The following RANBP2 variants were observed in gnomAD, a reference collection of about 807,000 sequenced individuals.
The protein encoded by RANBP2 is E3 SUMO-protein ligase RanBP2.
A neutral mutation model predicts 303.6 loss-of-function variants in RANBP2; 57 were observed. That is an observed-to-expected ratio of 0.19 (90% CI 0.15 to 0.23). The LOEUF is 0.23. Among genes scored for constraint, RANBP2 ranks in the 10% least tolerant of loss-of-function variants. The pLI is 1.00. For missense variants in RANBP2, 3,138 were observed against 3,780.8 expected (o/e 0.83, Z 4.46); for synonymous variants, 1,167 against 1,301.5 (o/e 0.90, Z 2.23).
chr2:109,105,235 G>A, the RANBP2 span, among the ~76,000 whole-genome samples: 7 of 152,322 alleles, frequency 4.6e-5, no homozygotes, highest in East Asian at 9.6e-4. Flanking sequence ...GAGGCAAAAC[G>A]GTGGAATTTA....
the RANBP2 span, chr2:109,733,066 T>A: frequency 1.8e-6 from 1 of 556,386 alleles, no homozygotes; most frequent in East Asian, 4.8e-5. Context: ...ACTTGTCTTG[T>A]AGCCGGAGCA....
chr2:108,781,449 C>A lies in RANBP2; in HGVS notation c.8760+20C>A. On this transcript the variant is annotated intron_variant, in intron 26 of 28. Coordinates refer to ENST00000283195, the MANE Select transcript of RANBP2 (RefSeq NM_006267.5). ...CCAGAGGTAAATGTTAAGGAATTAA[C>A]CTTTTACTAATAACTTATTTTTCAT... is the stretch of plus-strand genomic sequence containing the variant. 6.2e-7 allele frequency: 1 copy of A among 1,611,128 alleles called. No homozygotes were observed. Among genetic ancestry groups the A allele is most frequent in the Non-Finnish European group, 8.5e-7 (1 of 1,177,488 alleles).
chr2:109,587,533 C>T, the RANBP2 span, among the ~76,000 whole-genome samples: 1 of 152,124 alleles, frequency 6.6e-6, no homozygotes, highest in Non-Finnish European at 1.5e-5. Context: ...CTCAGAGATA[C>T]AAGAATTTCA....
chr2:109,434,150 C>A, the RANBP2 span, among the ~76,000 whole-genome samples: 2 of 152,216 alleles, frequency 1.3e-5, no homozygotes, highest in African/African-American at 4.8e-5. Flanking sequence ...CAGGTCACCC[C>A]TCTAGGTTAG....
chr2:109,292,065 G>C, the RANBP2 span, among the ~76,000 whole-genome samples: 1 of 152,070 alleles, frequency 6.6e-6, no homozygotes, highest in Non-Finnish European at 1.5e-5. Flanking sequence ...AGGTTTCACC[G>C]TGTTAGCCAG....
At chr2:109,359,842 C>A in the RANBP2 span, among the ~76,000 whole-genome samples, 2 of 152,172 alleles carry the variant, frequency 1.3e-5, no homozygotes, top group Non-Finnish European at 2.9e-5. Context: ...GCCCAGATTC[C>A]CCCATGCAAG....
the RANBP2 span, chr2:109,613,027 T>C: frequency 3.8e-6 from 2 of 522,592 alleles, no homozygotes; most frequent in Non-Finnish European, 3.5e-6. Context: ...CCACCAATGT[T>C]TACTATCAAA....
the RANBP2 span, among the ~76,000 whole-genome samples, chr2:109,274,986 A>G: frequency 2.0e-5 from 3 of 152,202 alleles, no homozygotes; most frequent in Non-Finnish European, 4.4e-5. Flanking sequence ...ATTTTGCATC[A>G]ATAAAAGAGC....
At position 108,782,379 on chromosome 2, in the gene RANBP2, T is replaced by G. The variant is rs1678314699; in HGVS notation, c.9012T>G (p.Val3004=). The G allele has an allele frequency of 6.2e-7, 1 of 1,613,950 alleles. No individual in the cohort carries two copies. The highest frequency in any genetic ancestry group is 1.3e-5 in the African/African-American group (1 of 74,952). ...KPLNVSNNAL[V]WTASDYADGE... The stretch of plus-strand genomic sequence containing the variant: ...TAAATGTTTCAAATAATGCTTTAGT[T>G]TGGACTGCCTCAGATTATGCTGGTG... The change falls in exon 27 of 29, where the codon GTT becomes GTG. Residue 3004 remains valine (V), a synonymous_variant. Transcript: ENST00000283195.
At chr2:109,655,984 A>G in the RANBP2 span, among the ~76,000 whole-genome samples, 4 of 152,130 alleles carry the variant, frequency 2.6e-5, no homozygotes, top group African/African-American at 9.7e-5. Flanking sequence ...GCCCTTCTAG[A>G]CCTGTCAGTT....
At chr2:109,691,990 G>C in the RANBP2 span, among the ~76,000 whole-genome samples, 1 of 152,056 alleles carries the variant, frequency 6.6e-6, no homozygotes, top group East Asian at 1.9e-4. Context: ...CACCATCTTG[G>C]CCAGGCTGGT....
At chr2:109,302,967 C>T in the RANBP2 span, among the ~76,000 whole-genome samples, 2 of 152,116 alleles carry the variant, frequency 1.3e-5, no homozygotes, top group African/African-American at 4.8e-5. Flanking sequence ...ACCTCTGCCT[C>T]CCAGGTTCAA....
At chr2:109,143,144 A>G in the RANBP2 span, among the ~76,000 whole-genome samples, 3 of 152,222 alleles carry the variant, frequency 2.0e-5, no homozygotes, top group Non-Finnish European at 1.5e-5. Flanking sequence ...AACGTTTTAT[A>G]TTAAAGTTTT....
At chr2:109,130,160 T>G in the RANBP2 span, 1 of 1,262,758 alleles carries the variant, frequency 7.9e-7, no homozygotes, top group Non-Finnish European at 9.9e-7. Context: ...TGGGAGTGTG[T>G]GGGTGGGTGC....
chr2:109,496,907 C>T, the RANBP2 span, among the ~76,000 whole-genome samples: 1 of 152,136 alleles, frequency 6.6e-6, no homozygotes, highest in Non-Finnish European at 1.5e-5. Flanking sequence ...AAGAGAGAGG[C>T]AGAGGAGAAG....
intron 25 of RANBP2, among the ~76,000 whole-genome samples, chr2:108,779,413 C>T (rs1678091308): frequency 6.6e-6 from 1 of 152,168 alleles, no homozygotes; most frequent in Admixed American, 6.5e-5. Flanking sequence ...GACCAGCCCG[C>T]CTCGGCCTCC....
At chr2:109,404,994 G>A in the RANBP2 span, among the ~76,000 whole-genome samples, 2 of 148,464 alleles carry the variant, frequency 1.3e-5, no homozygotes, top group Non-Finnish European at 3.0e-5. Context: ...TAACCCCTAT[G>A]TCTACACAAA....
intron 1 of RANBP2, among the ~76,000 whole-genome samples, chr2:108,728,679 G>C (rs1694936249): frequency 1.3e-5 from 2 of 152,026 alleles, no homozygotes; most frequent in South Asian, 2.1e-4. Context: ...CCAGGCTGGA[G>C]TGCAATGGCA....
chr2:109,317,239 C>T, the RANBP2 span, among the ~76,000 whole-genome samples: 7 of 152,140 alleles, frequency 4.6e-5, no homozygotes, highest in African/African-American at 1.7e-4. Flanking sequence ...ATGGAATCTC[C>T]TAGTGTAGCA....
Sources: gnomAD v4.1 joint callset for allele counts (sites outside exome capture counted in the v4.1 genomes callset) on GRCh38, gnomAD v4.1.1 for gene constraint, MANE v1.5 for transcripts, NCBI Gene and HGNC (gene_info 2026-07-23, HGNC 2026-07-21) for gene names.